ALPK2: variants seen among roughly 807,000 people sequenced by gnomAD.
ALPK2 encodes alpha kinase 2, also known as alpha-protein kinase 2.
A neutral mutation model predicts 163.1 loss-of-function variants in ALPK2; 127 were observed. That is an observed-to-expected ratio of 0.78 (90% CI 0.67 to 0.90). ALPK2 has a LOEUF of 0.90. Among genes scored for constraint, ALPK2 ranks in the 40% least tolerant of loss-of-function variants. ALPK2 has a pLI of 0.00. For synonymous variants in ALPK2, 953 were observed against 959.1 expected, an observed-to-expected ratio of 0.99 and a Z score of 0.12; for missense variants, 2,360 against 2,589.6, an observed-to-expected ratio of 0.91 and a Z score of 1.92.
chr18:58,583,529 A>G (rs1227558394), intron 3 of ALPK2, among the ~76,000 whole-genome samples: 1 of 152,086 alleles, frequency 6.6e-6, no homozygotes, highest in African/African-American at 2.4e-5. Context: ...AAAAAGCACT[A>G]CAAGCTGAGC....
intron 1 of ALPK2, among the ~76,000 whole-genome samples, chr18:58,614,234 G>A (rs2052151939): frequency 6.6e-6 from 1 of 152,182 alleles, no homozygotes; most frequent in Admixed American, 6.5e-5. Flanking sequence ...TGGGAGAGAG[G>A]TTTGAGAGAC....
At chr18:58,499,540 C>T (rs753570970) in intron 11 of ALPK2, among the ~76,000 whole-genome samples, 2 of 152,216 alleles carry the variant, frequency 1.3e-5, no homozygotes, top group Non-Finnish European at 2.9e-5. Flanking sequence ...GCCCTGACCA[C>T]GCACCAATTC....
chr18:58,616,980 CAG>C (rs1207551600), intron 1 of ALPK2, among the ~76,000 whole-genome samples: 1 of 152,104 alleles, frequency 6.6e-6, no homozygotes, highest in African/African-American at 2.4e-5. Context: ...TCCAGGTGGA[CAG>C]AGTCAGAACT....
intron 4 of ALPK2, among the ~76,000 whole-genome samples, chr18:58,571,774 G>A (rs190906213): frequency 1.3e-4 from 20 of 152,068 alleles, no homozygotes; most frequent in Admixed American, 1.1e-3. Flanking sequence ...TCAGGAGTTC[G>A]AGACCAGCCT....
At chr18:58,482,762 T>G (rs2144090780) in intron 12 of ALPK2, among the ~76,000 whole-genome samples, 1 of 152,288 alleles carries the variant, frequency 6.6e-6, no homozygotes, top group African/African-American at 2.4e-5. Flanking sequence ...AATACTGAAA[T>G]TATAAATGGC....
At chr18:58,577,487 T>C (rs7505417) in intron 4 of ALPK2, among the ~76,000 whole-genome samples, 75,001 of 152,088 alleles carry the variant, frequency 0.49, 18,561 homozygotes, top group East Asian at 0.59. Context: ...GGAAATGCCA[T>C]GTTTATCAAC....
intron 11 of ALPK2, among the ~76,000 whole-genome samples, chr18:58,500,612 A>G (rs1250526032): frequency 1.3e-5 from 2 of 152,308 alleles, no homozygotes; most frequent in East Asian, 3.9e-4. Context: ...AAGAAAGGAA[A>G]TGAACAGCAT....
chr18:58,610,955 G>A (rs150163871), intron 2 of ALPK2, among the ~76,000 whole-genome samples: 1 of 152,072 alleles, frequency 6.6e-6, no homozygotes, highest in Non-Finnish European at 1.5e-5. Flanking sequence ...TTAGCCGGGT[G>A]TAGTGGCGGG....
intron 12 of ALPK2, among the ~76,000 whole-genome samples, chr18:58,484,598 G>A (rs1602179972): frequency 6.6e-6 from 1 of 152,154 alleles, no homozygotes; most frequent in Non-Finnish European, 1.5e-5. Context: ...ACAAAAATTA[G>A]CTGGGTGTGG....
chr18:58,607,237 A>G (rs972601933), intron 3 of ALPK2, 85 bp downstream of exon 3: 1 of 918,970 alleles, frequency 1.1e-6, no homozygotes, highest in South Asian at 2.3e-5. Flanking sequence ...ATATGAGCCA[A>G]TCTTTTGGCC....
intron 4 of ALPK2, among the ~76,000 whole-genome samples, chr18:58,573,696 GAT>G (rs2051903721): frequency 7.2e-6 from 1 of 138,660 alleles, no homozygotes; most frequent in Non-Finnish European, 1.5e-5. Flanking sequence ...AGGGTCATAG[GAT>G]AATAGTGGAG....
chr18:58,598,799 CTTTTCAATCTT>C (rs578247878), intron 3 of ALPK2, among the ~76,000 whole-genome samples: 56 of 152,210 alleles, frequency 3.7e-4, no homozygotes, highest in Non-Finnish European at 7.5e-4. Flanking sequence ...TACACCCCAT[CTTTTCAATCTT>C]TCCAGATGTG....
chr18:58,506,475 C>A (rs1389085918), intron 10 of ALPK2, among the ~76,000 whole-genome samples: 6 of 152,102 alleles, frequency 3.9e-5, no homozygotes, highest in Admixed American at 3.3e-4. Flanking sequence ...CCCCACCCCC[C>A]ACATCTGCCT....
At chr18:58,490,215 G>A (rs561937958) in intron 12 of ALPK2, among the ~76,000 whole-genome samples, 1 of 152,322 alleles carries the variant, frequency 6.6e-6, no homozygotes, top group South Asian at 2.1e-4. Flanking sequence ...GGGCGGGGAC[G>A]TGGTAGTGTA....
At chr18:58,562,859 A>G (rs80142150) in intron 4 of ALPK2, among the ~76,000 whole-genome samples, 249 of 152,290 alleles carry the variant, frequency 1.6e-3, no homozygotes, top group African/African-American at 6.0e-3. Context: ...GAAGAGAGGA[A>G]GCAAGCTCTC....
chr18:58,621,563 A>G (rs8094293), intron 1 of ALPK2, among the ~76,000 whole-genome samples: 118,393 of 152,124 alleles, frequency 0.78, 46,255 homozygotes, highest in East Asian at 0.96. Flanking sequence ...GAGCCACTGC[A>G]CCAGGCCAAT....
At position 58,580,389 on chromosome 18, in the gene ALPK2, T is replaced by TG; in HGVS notation, c.386dup (p.Gly130ArgfsTer4). On this transcript the variant is annotated frameshift_variant, in exon 4 of 13. Coordinates refer to ENST00000361673, the MANE Select transcript of ALPK2 (RefSeq NM_052947.4). LOFTEE classifies it high-confidence loss of function. ...TTGCCCTTTCTTCTTCATGTGTCCC[T>TG]GTTTCATGTTTCCAACCCCTGTCCC... 2 of 1,614,210 alleles carry TG rather than the reference T, an allele frequency of 1.2e-6. No individual in the cohort carries two copies. Among genetic ancestry groups the TG allele is most frequent in the Non-Finnish European group, 1.7e-6 (2 of 1,180,032 alleles).
At chr18:58,587,151 T>C (rs922882321) in intron 3 of ALPK2, among the ~76,000 whole-genome samples, 8 of 152,140 alleles carry the variant, frequency 5.3e-5, no homozygotes, top group African/African-American at 1.9e-4. Flanking sequence ...GGGAGACCCA[T>C]TGGTTCCAGG....
chr18:58,525,042 T>C (rs888047787), intron 6 of ALPK2, among the ~76,000 whole-genome samples: 2 of 152,300 alleles, frequency 1.3e-5, no homozygotes, highest in East Asian at 3.9e-4. Flanking sequence ...AGATTCTGTG[T>C]ATGTATGTGT....
Sources: allele counts gnomAD v4.1 joint callset (sites outside exome capture counted in the v4.1 genomes callset), GRCh38; gene constraint gnomAD v4.1.1; transcripts MANE v1.5; gene names NCBI Gene and HGNC (gene_info 2026-07-23, HGNC 2026-07-21).